Variants in FAM3B observed in about 807,000 individuals in gnomAD.
FAM3B encodes the protein protein FAM3B.
FAM3B carries 29 observed loss-of-function variants against 28.4 expected under a neutral mutation model. That is an observed-to-expected ratio of 1.02 (90% confidence interval 0.76 to 1.39). The LOEUF (loss-of-function observed/expected upper bound fraction) is 1.39, where lower values mean the gene tolerates loss of function less well. Ranked by LOEUF, FAM3B falls within the 40% of genes most tolerant of loss-of-function variation. The pLI, the probability that FAM3B is intolerant of heterozygous loss-of-function variation, is 0.00. For missense variants in FAM3B, 266 were observed against 293.9 expected (o/e 0.91, Z 0.69); for synonymous variants, 91 against 103.0 (o/e 0.88, Z 0.71).
chr21:41,316,855 C>A lies in FAM3B; in HGVS notation c.-25C>A. The A allele has an allele frequency of 7.0e-7, 1 of 1,434,398 alleles. No homozygotes were observed. Among genetic ancestry groups the A allele is most frequent in the East Asian group, 2.9e-5 (1 of 34,402 alleles). 88.9% of individuals were successfully genotyped at this position (1,434,398 alleles called of 1,614,324 possible). On this transcript the variant is annotated 5_prime_UTR_variant, in exon 1 of 8. Coordinates refer to ENST00000357985, the MANE Select transcript of FAM3B (RefSeq NM_058186.4). ...GGTCGCCTGGGAGCTGCCGCCAGGG[C>A]CAGGAGGGGAGCGGCACCTGGAAGA...
intron 3 of FAM3B, among the ~76,000 whole-genome samples, chr21:41,342,003 T>C (rs2089011011): frequency 6.6e-6 from 1 of 152,240 alleles, no homozygotes. Context: ...TTCTCTGAAA[T>C]ATCTTTACTT....
At chr21:41,313,299 A>G (rs919243579), upstream of FAM3B, among the ~76,000 whole-genome samples, 15 of 152,216 alleles carry the variant, frequency 9.9e-5, no homozygotes, top group Admixed American at 7.2e-4. Flanking sequence ...GGATTCTTGT[A>G]TATTCACCAA....
In FAM3B at chr21:41,352,238, C is replaced by T. The variant is rs558012856; in HGVS notation, c.618+3514C>T. ...CACTATGCTGGCTCTGTTCAGGTCT[C>T]GTCTTTATATTCCTGCTGTAACTTT... is the stretch of plus-strand genomic sequence containing the variant. On this transcript the variant is annotated intron_variant, in intron 7 of 7. Coordinates refer to ENST00000357985, the MANE Select transcript of FAM3B (RefSeq NM_058186.4). 1.5e-3 allele frequency among the ~76,000 whole-genome samples: 223 copies of T among 152,300 alleles called. 2 individuals are homozygous for T. The highest frequency in any genetic ancestry group is 4.9e-3 in the African/African-American group (205 of 41,556).
At chr21:41,309,027 T>G (rs1390639583) in intron 1 of FAM3B, among the ~76,000 whole-genome samples, 1 of 152,142 alleles carries the variant, frequency 6.6e-6, no homozygotes, top group Non-Finnish European at 1.5e-5. Flanking sequence ...AAGAAGACTC[T>G]GATGCAGGGT....
At chr21:41,309,070 G>C (rs1209841516) in intron 1 of FAM3B, among the ~76,000 whole-genome samples, 1 of 152,114 alleles carries the variant, frequency 6.6e-6, no homozygotes, top group Non-Finnish European at 1.5e-5. Flanking sequence ...CTAGCTGAGT[G>C]GCCTTGGGCT....
upstream of FAM3B, among the ~76,000 whole-genome samples, chr21:41,312,323 C>T (rs186555126): frequency 6.6e-6 from 1 of 152,226 alleles, no homozygotes; most frequent in East Asian, 1.9e-4. Context: ...ATTATACATC[C>T]ATCATTTAAA....
At chr21:41,318,685 C>A (rs766701311) in intron 1 of FAM3B, among the ~76,000 whole-genome samples, 9 of 152,122 alleles carry the variant, frequency 5.9e-5, no homozygotes, top group Non-Finnish European at 1.3e-4. Flanking sequence ...GATCTGAATA[C>A]ATATTGGTAA....
chr21:41,344,271 G>C (rs1247420275), intron 3 of FAM3B, among the ~76,000 whole-genome samples: 1 of 152,250 alleles, frequency 6.6e-6, no homozygotes, highest in Non-Finnish European at 1.5e-5. Context: ...TCCCCTGAGG[G>C]ACTGAGTCTG....
intron 5 of FAM3B, chr21:41,346,313 CGAA>C (rs1166656888): frequency 6.5e-6 from 1 of 152,712 alleles, no homozygotes; most frequent in Non-Finnish European, 1.5e-5. Flanking sequence ...ATAGTGAAGA[CGAA>C]GAATAGAAAA....
chr21:41,315,523 T>A (rs1328015630), upstream of FAM3B, among the ~76,000 whole-genome samples: 1 of 152,124 alleles, frequency 6.6e-6, no homozygotes, highest in Non-Finnish European at 1.5e-5. Flanking sequence ...AGATTGGCGG[T>A]CAGTTCATTG....
chr21:41,317,203 A>G (rs1243288996), intron 1 of FAM3B, among the ~76,000 whole-genome samples: 1 of 152,016 alleles, frequency 6.6e-6, no homozygotes, highest in Non-Finnish European at 1.5e-5. Context: ...ACACTGTAAC[A>G]TTTTACTTGG....
intron 2 of FAM3B, 91 bp downstream of exon 2, chr21:41,323,157 G>C: frequency 1.3e-6 from 2 of 1,518,160 alleles, no homozygotes; most frequent in Admixed American, 1.8e-5. Context: ...AGGCTGGGGG[G>C]CCCTGACGGC....
At chr21:41,344,171 G>C (rs1448707084) in intron 3 of FAM3B, among the ~76,000 whole-genome samples, 4 of 152,232 alleles carry the variant, frequency 2.6e-5, no homozygotes, top group Non-Finnish European at 5.9e-5. Context: ...TGAAGAGCCT[G>C]AGCTAAATAA....
At chr21:41,354,258 C>G (rs2089145613) in intron 7 of FAM3B, among the ~76,000 whole-genome samples, 1 of 152,220 alleles carries the variant, frequency 6.6e-6, no homozygotes, top group African/African-American at 2.4e-5. Flanking sequence ...GACAGAAATA[C>G]TATTTGACCA....
intron 3 of FAM3B, among the ~76,000 whole-genome samples, chr21:41,341,419 T>C (rs1439247651): frequency 2.0e-5 from 3 of 152,282 alleles, no homozygotes; most frequent in Non-Finnish European, 4.4e-5. Context: ...AAGCCCTCTG[T>C]GTACCCCTTC....
chr21:41,348,536 C>T, intron 6 of FAM3B, 56 bp from the exon 7 acceptor site: 1 of 1,597,344 alleles, frequency 6.3e-7, no homozygotes, highest in Non-Finnish European at 8.6e-7. Context: ...GAGCAGAGTT[C>T]CTCTCCTCTC....
chr21:41,307,654 AAT>A (rs1341049748), intron 1 of FAM3B, among the ~76,000 whole-genome samples: 1 of 152,170 alleles, frequency 6.6e-6, no homozygotes, highest in Non-Finnish European at 1.5e-5. Flanking sequence ...GGTCTAATTC[AAT>A]ATTGTTGTAT....
intron 2 of FAM3B, 29 bp from the exon 3 acceptor site, chr21:41,338,349 A>G: frequency 6.2e-7 from 1 of 1,612,144 alleles, no homozygotes; most frequent in Non-Finnish European, 8.5e-7. Flanking sequence ...TGGGATGTTA[A>G]TGGCTATATA....
rs561261709 is a variant in FAM3B at position 41,326,924 on chromosome 21, T to A, written c.163+3858T>A. Reference sequence around the variant, plus strand: ...ACCTAAGTTTAGCAGCTGCTGCCTCTGCCTTGGGAACCTGTCATGGGATTG... The same window carrying A: ...ACCTAAGTTTAGCAGCTGCTGCCTCAGCCTTGGGAACCTGTCATGGGATTG... On this transcript the variant is annotated intron_variant, in intron 2 of 7. Transcript: ENST00000357985. This position sits in a 1 kb window ranked among gnomAD's most constrained non-coding sequence, Gnocchi z 4.0. Among the ~76,000 whole-genome samples, 3 of 152,350 alleles carry A rather than the reference T, an allele frequency of 2.0e-5. No homozygotes were observed. In the South Asian group the frequency reaches 6.2e-4, roughly 32 times the overall value.
Sources: gnomAD v4.1 joint callset for allele counts (sites outside exome capture counted in the v4.1 genomes callset) on GRCh38, gnomAD v4.1.1 for gene constraint, Gnocchi (gnomAD v3.1) non-coding constraint, MANE v1.5 for transcripts, NCBI Gene and HGNC (gene_info 2026-07-23, HGNC 2026-07-21) for gene names.